The following ARHGEF28 variants were observed in gnomAD, a reference collection of about 807,000 sequenced individuals.
The protein encoded by ARHGEF28 is 190 kDa guanine nucleotide exchange factor.
In ARHGEF28, 152 loss-of-function variants were observed where a neutral mutation model predicts 206.6. The ratio of observed to expected loss-of-function variants is 0.74; its 90% CI spans 0.64 to 0.84. The LOEUF is 0.84. ARHGEF28 is among the 40% of genes least tolerant of loss of function. The probability of loss-of-function intolerance (pLI) is 0.00; values close to 1 mark genes in which losing one functional copy is unlikely to be tolerated. For synonymous variants in ARHGEF28, 763 were observed against 776.4 expected (o/e 0.98, Z 0.29); for missense variants, 2,028 against 2,073.2 (o/e 0.98, Z 0.42).
chr5:73,691,982 T>C (rs1194761464), intron 2 of ARHGEF28, among the ~76,000 whole-genome samples: 1 of 152,254 alleles, frequency 6.6e-6, no homozygotes, highest in Admixed American at 6.5e-5. Context: ...TGGATTGCTT[T>C]GCAAATGAGA....
intron 13 of ARHGEF28, among the ~76,000 whole-genome samples, chr5:73,852,036 TAGTA>T (rs1758734475): frequency 6.6e-6 from 1 of 152,032 alleles, no homozygotes; most frequent in Admixed American, 6.5e-5. Context: ...TCCACCCCTG[TAGTA>T]AGTATTTCAA....
intron 2 of ARHGEF28, among the ~76,000 whole-genome samples, chr5:73,727,507 C>T (rs1190621721): frequency 6.6e-6 from 1 of 152,186 alleles, no homozygotes; most frequent in Non-Finnish European, 1.5e-5. Flanking sequence ...CAAGAACCCA[C>T]TTTCCTGGAT....
intron 1 of ARHGEF28, among the ~76,000 whole-genome samples, chr5:73,647,679 A>G (rs1032689818): frequency 4.6e-5 from 7 of 152,244 alleles, no homozygotes; most frequent in African/African-American, 1.7e-4. Flanking sequence ...TGGCTACCAT[A>G]TTGGACAGAA....
At chr5:73,630,648 G>A (rs2112113959) in intron 1 of ARHGEF28, among the ~76,000 whole-genome samples, 1 of 152,300 alleles carries the variant, frequency 6.6e-6, no homozygotes, top group African/African-American at 2.4e-5. Flanking sequence ...TGGAGGAAGG[G>A]ATGGAGTCCT....
At chr5:73,715,090 C>G (rs1749498678) in intron 2 of ARHGEF28, among the ~76,000 whole-genome samples, 2 of 152,218 alleles carry the variant, frequency 1.3e-5, no homozygotes, top group African/African-American at 4.8e-5. Context: ...CATTTCTCCC[C>G]TTGTATGAAT....
At chr5:73,714,441 C>T (rs7718331) in intron 2 of ARHGEF28, among the ~76,000 whole-genome samples, 4,207 of 152,172 alleles carry the variant, frequency 0.028, 169 homozygotes, top group African/African-American at 0.092. Flanking sequence ...AGAATATCAC[C>T]GGGTGTTGAA....
chr5:73,736,237 A>G (rs1370578425), intron 2 of ARHGEF28, among the ~76,000 whole-genome samples: 2 of 152,204 alleles, frequency 1.3e-5, no homozygotes, highest in Non-Finnish European at 2.9e-5. Flanking sequence ...GTGTGAGGAA[A>G]TGGTCACGGA....
intron 2 of ARHGEF28, among the ~76,000 whole-genome samples, chr5:73,736,323 G>A (rs1181508263): frequency 3.3e-5 from 5 of 152,140 alleles, no homozygotes; most frequent in Non-Finnish European, 7.4e-5. Flanking sequence ...GACCACAGTG[G>A]CAGGGCTTGC....
Position 73,941,038 on chromosome 5 carries a change from A to C in ARHGEF28, c.*25A>C, listed in dbSNP as rs1742584081. ...ATTGTGTTGTCATTTTTCCAAACAA[A>C]ACAAAACACTGGCACTTTTGGGAGA... is the stretch of plus-strand genomic sequence containing the variant. On this transcript the variant is annotated 3_prime_UTR_variant, in exon 36 of 36. Coordinates refer to ENST00000513042, the MANE Select transcript of ARHGEF28 (RefSeq NM_001177693.2). The C allele has an allele frequency of 4.8e-6, 7 of 1,449,742 alleles. No homozygotes were observed. Among genetic ancestry groups the C allele is most frequent in the Non-Finnish European group, 6.3e-6 (7 of 1,107,384 alleles). The allele number at this position is 1,449,742 out of a possible 1,614,324, so 89.8% of individuals were successfully genotyped here.
At chr5:73,902,814 A>G (rs1340024346) in intron 31 of ARHGEF28, 2 of 152,234 alleles carry the variant, frequency 1.3e-5, no homozygotes, top group African/African-American at 2.4e-5. Context: ...TTTTGGGCAT[A>G]AGTAACCGCG....
intron 1 of ARHGEF28, among the ~76,000 whole-genome samples, chr5:73,675,402 T>A (rs1259888780): frequency 6.6e-6 from 1 of 152,120 alleles, no homozygotes; most frequent in Non-Finnish European, 1.5e-5. Context: ...AAAAAAGACT[T>A]GCCTGAGGTT....
At chr5:73,639,882 TAAC>T (rs1341610203) in intron 1 of ARHGEF28, among the ~76,000 whole-genome samples, 1 of 152,182 alleles carries the variant, frequency 6.6e-6, no homozygotes, top group African/African-American at 2.4e-5. Flanking sequence ...TATTTAGAAA[TAAC>T]AAATTGTATA....
Position 73,941,025 on chromosome 5 carries a change from T to C in ARHGEF28, c.*12T>C, listed in dbSNP as rs1441834162. 1 of 1,466,994 alleles carries C rather than the reference T, an allele frequency of 6.8e-7. No homozygotes were observed. Among genetic ancestry groups the C allele is most frequent in the Non-Finnish European group, 9.0e-7 (1 of 1,116,374 alleles). The allele number at this position is 1,466,994 out of a possible 1,614,324, so 90.9% of individuals were successfully genotyped here. On this transcript the variant is annotated 3_prime_UTR_variant, in exon 36 of 36. Coordinates refer to ENST00000513042, the MANE Select transcript of ARHGEF28 (RefSeq NM_001177693.2). ...TTGTTTACCTCTAATTGTGTTGTCA[T>C]TTTTCCAAACAAAACAAAACACTGG...
chr5:73,808,091 G>A (rs1755621269), intron 9 of ARHGEF28, among the ~76,000 whole-genome samples: 2 of 152,124 alleles, frequency 1.3e-5, no homozygotes, highest in African/African-American at 4.8e-5. Flanking sequence ...AATAATGGCA[G>A]ATAAGAAATT....
chr5:73,742,158 A>T (rs1381328114), intron 2 of ARHGEF28, among the ~76,000 whole-genome samples: 2 of 151,596 alleles, frequency 1.3e-5, no homozygotes, highest in African/African-American at 4.9e-5. Flanking sequence ...TTTTGCATGG[A>T]TGTCTTTTTA....
chr5:73,842,154 T>C (rs1052046189), intron 11 of ARHGEF28, among the ~76,000 whole-genome samples: 4 of 152,224 alleles, frequency 2.6e-5, no homozygotes, highest in Admixed American at 2.6e-4. Context: ...TTTTATCCTG[T>C]TGATCACACT....
chr5:73,674,516 ACAC>A, intron 1 of ARHGEF28, among the ~76,000 whole-genome samples: 1 of 152,354 alleles, frequency 6.6e-6, no homozygotes, highest in Middle Eastern at 3.4e-3. Flanking sequence ...TGTGAAACAT[ACAC>A]GGTATTTTGA....
intron 2 of ARHGEF28, among the ~76,000 whole-genome samples, chr5:73,696,526 T>C (rs530215143): frequency 6.7e-4 from 102 of 152,346 alleles, no homozygotes; most frequent in African/African-American, 1.5e-3. Flanking sequence ...AGTATTGTTG[T>C]TATTGTTTTG....
Position 73,893,271 on chromosome 5 carries a change from A to G in ARHGEF28, c.3641A>G (p.Lys1214Arg), listed in dbSNP as rs1417248105. Reference sequence around the variant, plus strand: ...AGGAAAGCTGAAGCCAGAGTGGCCAAAATTCAGCAATGTCAAGGTACAGTG... The same window carrying G: ...AGGAAAGCTGAAGCCAGAGTGGCCAGAATTCAGCAATGTCAAGGTACAGTG... ...DKRKAEARVA[K>R]IQQCQEILTN... is the part of the protein sequence containing the mutation. The change falls in exon 28 of 36, where the codon AAA (lysine) becomes AGA (arginine). Residue 1214 changes from lysine (K) to arginine (R), a missense_variant. Transcript: ENST00000513042. 4.5e-6 allele frequency: 7 copies of G among 1,555,152 alleles called. 1 individual carries two copies. In the South Asian group the frequency reaches 4.8e-5, roughly 11 times the overall value.
Sources: gnomAD v4.1 joint callset for allele counts (sites outside exome capture counted in the v4.1 genomes callset) on GRCh38, gnomAD v4.1.1 for gene constraint, MANE v1.5 for transcripts, NCBI Gene and HGNC (gene_info 2026-07-23, HGNC 2026-07-21) for gene names.